SOD2: variants seen among roughly 807,000 people sequenced by gnomAD.
The protein encoded by SOD2 is superoxide dismutase 2.
In SOD2, 11 loss-of-function variants were observed where a neutral mutation model predicts 27.0. The observed-to-expected ratio is 0.41, with a 90% CI of 0.26 to 0.67. The LOEUF is 0.67. Ranked by LOEUF, SOD2 falls within the 30% of genes least tolerant of loss-of-function variation. The pLI is 0.34. For synonymous variants in SOD2, 105 were observed against 103.0 expected (o/e 1.02, Z -0.12); for missense variants, 250 against 274.5 (o/e 0.91, Z 0.63).
At chr6:159,732,442 A>C (rs1778630730) in intron 1 of SOD2, among the ~76,000 whole-genome samples, 1 of 152,210 alleles carries the variant, frequency 6.6e-6, no homozygotes, top group African/African-American at 2.4e-5. Context: ...GTTGGTTCTC[A>C]AAATTTTATG....
intron 2 of SOD2, among the ~76,000 whole-genome samples, chr6:159,688,912 C>A (rs1780318162): frequency 1.3e-5 from 2 of 152,144 alleles, no homozygotes; most frequent in African/African-American, 4.8e-5. Flanking sequence ...AAATAAAACA[C>A]AAGCAGAACC....
intron 1 of SOD2, among the ~76,000 whole-genome samples, chr6:159,698,756 AT>A (rs1034520498): frequency 6.6e-6 from 1 of 151,946 alleles, no homozygotes; most frequent in African/African-American, 2.4e-5. Context: ...ATTAGCACAT[AT>A]TTTTTATGAA....
intron 1 of SOD2, among the ~76,000 whole-genome samples, chr6:159,758,917 A>C (rs1318370170): frequency 6.6e-6 from 1 of 152,184 alleles, no homozygotes; most frequent in Non-Finnish European, 1.5e-5. Context: ...AGGCCCCTTC[A>C]GGATAAACTG....
Position 159,672,785 on chromosome 6 carries a change from GAC to G in SOD2, c.*9706_*9707del, listed in dbSNP as rs1328449411. 1.3e-5 allele frequency: 2 copies of G among 152,000 alleles called. No homozygotes were observed. The highest frequency in any genetic ancestry group is 2.4e-5 in the African/African-American group (1 of 41,370). The allele number at this position is 152,000 out of a possible 1,614,324, so 9.4% of individuals were successfully genotyped here. ...AATGGGCTAAATGCTCCAATTAAAAGACACAGACTGGCACACTGGATAAAGAG... is the reference window on the plus strand; with the variant it reads ...AATGGGCTAAATGCTCCAATTAAAAGACAGACTGGCACACTGGATAAAGAG... On this transcript the variant is annotated 3_prime_UTR_variant, in exon 5 of 5. Coordinates refer to ENST00000538183, the MANE Select transcript of SOD2 (RefSeq NM_000636.4).
At chr6:159,724,080 T>C (rs1379232476) in intron 1 of SOD2, among the ~76,000 whole-genome samples, 2 of 152,158 alleles carry the variant, frequency 1.3e-5, no homozygotes, top group African/African-American at 4.8e-5. Context: ...ACAGACTTTT[T>C]TTTTCTGAAC....
intron 3 of SOD2, among the ~76,000 whole-genome samples, chr6:159,687,387 A>C (rs1041082813): frequency 6.6e-5 from 10 of 152,076 alleles, no homozygotes; most frequent in Non-Finnish European, 1.5e-5. Flanking sequence ...TGGGTGGCTG[A>C]GACACAAGAA....
At chr6:159,685,126 C>T (rs997141302) in intron 3 of SOD2, 93 bp from the exon 4 acceptor site, 2 of 809,386 alleles carry the variant, frequency 2.5e-6, no homozygotes, top group Non-Finnish European at 3.4e-6. Context: ...ATATTTTTGT[C>T]ATAGGGCCCA....
intron 1 of SOD2, among the ~76,000 whole-genome samples, chr6:159,701,136 TC>T (rs1257905977): frequency 6.6e-6 from 1 of 152,072 alleles, no homozygotes; most frequent in Non-Finnish European, 1.5e-5. Context: ...TCCAGGCCAA[TC>T]CCTGGAGATT....
At chr6:159,708,652 C>G (rs1777672466) in intron 1 of SOD2, among the ~76,000 whole-genome samples, 1 of 152,182 alleles carries the variant, frequency 6.6e-6, no homozygotes, top group African/African-American at 2.4e-5. Flanking sequence ...ATTCCATGGT[C>G]ATGGATGGGA....
At chr6:159,740,191 GCCT>G (rs1779167960) in intron 1 of SOD2, among the ~76,000 whole-genome samples, 2 of 151,140 alleles carry the variant, frequency 1.3e-5, no homozygotes, top group African/African-American at 4.9e-5. Flanking sequence ...TTTTTTTAAT[GCCT>G]TCTTACATAA....
chr6:159,726,688 G>A, intron 1 of SOD2: 1 of 1,035,468 alleles, frequency 9.7e-7, no homozygotes, highest in South Asian at 1.5e-5. Context: ...AGTTAGCAAG[G>A]GGCCCTCAAC....
intron 1 of SOD2, among the ~76,000 whole-genome samples, chr6:159,709,767 G>T (rs2114818349): frequency 6.6e-6 from 1 of 152,178 alleles, no homozygotes; most frequent in Non-Finnish European, 1.5e-5. Context: ...CCATTACTAG[G>T]TATATACCCA....
At chr6:159,755,425 G>A (rs148398445) in intron 1 of SOD2, 14 of 1,614,054 alleles carry the variant, frequency 8.7e-6, no homozygotes, top group African/African-American at 2.7e-5. Context: ...TCAGTGCGGG[G>A]TATGAAAGTG....
At chr6:159,731,488 G>A (rs1435140197), upstream of SOD2, among the ~76,000 whole-genome samples, 4 of 152,126 alleles carry the variant, frequency 2.6e-5, no homozygotes, top group Non-Finnish European at 5.9e-5. Context: ...AGGAAAAAAA[G>A]AAAATTTAAG....
chr6:159,713,223 TATC>T, intron 1 of SOD2: 1 of 830,654 alleles, frequency 1.2e-6, no homozygotes, highest in South Asian at 1.7e-5. Context: ...TTTCCAAATC[TATC>T]AGACCTAAAG....
At chr6:159,746,240 A>G (rs182943709), upstream of SOD2, among the ~76,000 whole-genome samples, 45 of 152,336 alleles carry the variant, frequency 3.0e-4, no homozygotes, top group East Asian at 8.7e-3. Flanking sequence ...GAGAAACTAA[A>G]TTTAAAGAGT....
At chr6:159,759,668 C>CA (rs1189023511) in intron 1 of SOD2, among the ~76,000 whole-genome samples, 3,937 of 127,840 alleles carry the variant, frequency 0.031, 123 homozygotes, top group African/African-American at 0.085. Flanking sequence ...AGCTCCGTCT[C>CA]AAAAAAAAAA....
intron 1 of SOD2, among the ~76,000 whole-genome samples, chr6:159,719,706 G>A (rs1323956492): frequency 6.9e-6 from 1 of 145,302 alleles, no homozygotes; most frequent in Non-Finnish European, 1.5e-5. Flanking sequence ...ATCTAACTCA[G>A]TATTATGGTT....
At chr6:159,693,831 G>A (rs375290836), upstream of SOD2, among the ~76,000 whole-genome samples, 1 of 152,180 alleles carries the variant, frequency 6.6e-6, no homozygotes, top group Admixed American at 6.5e-5. Flanking sequence ...CTCTTGCGCC[G>A]TACCCTTGCT....
Sources: allele counts gnomAD v4.1 joint callset (sites outside exome capture counted in the v4.1 genomes callset), GRCh38; gene constraint gnomAD v4.1.1; transcripts MANE v1.5; gene names NCBI Gene and HGNC (gene_info 2026-07-23, HGNC 2026-07-21).